Variants in SPTLC3 observed in about 807,000 individuals in gnomAD.
SPTLC3 encodes the protein serine palmitoyltransferase long chain base subunit 3, also known as serine palmitoyltransferase 3.
A neutral mutation model predicts 59.3 loss-of-function variants in SPTLC3; 36 were observed. That is an observed-to-expected ratio of 0.61 (90% confidence interval 0.47 to 0.80). The LOEUF (loss-of-function observed/expected upper bound fraction) is 0.80, where lower values mean the gene tolerates loss of function less well. Ranked by LOEUF, SPTLC3 falls within the 30% of genes least tolerant of loss-of-function variation. The pLI, the probability that SPTLC3 is intolerant of heterozygous loss-of-function variation, is 0.00. For missense variants in SPTLC3, 625 were observed against 685.1 expected, an observed-to-expected ratio of 0.91 and a Z score of 0.98; for synonymous variants, 257 against 240.8, an observed-to-expected ratio of 1.07 and a Z score of -0.62.
intron 6 of SPTLC3, among the ~76,000 whole-genome samples, chr20:13,103,177 A>G (rs536471528): frequency 1.2e-4 from 19 of 152,202 alleles, no homozygotes; most frequent in Non-Finnish European, 1.9e-4. Context: ...TCTCATGGAG[A>G]ACAGACCCCA....
intron 4 of SPTLC3, among the ~76,000 whole-genome samples, chr20:13,087,331 T>A (rs150841727): frequency 1.6e-3 from 237 of 152,332 alleles, no homozygotes; most frequent in Non-Finnish European, 2.2e-3. Context: ...CATCATGAAC[T>A]TCTGCTCATG....
At chr20:13,033,848 C>G (rs979962050) in intron 1 of SPTLC3, among the ~76,000 whole-genome samples, 1 of 152,026 alleles carries the variant, frequency 6.6e-6, no homozygotes, top group Non-Finnish European at 1.5e-5. Context: ...GAACATCCAG[C>G]CTGGTGCTTT....
chr20:13,108,023 T>A (rs1185771913), intron 6 of SPTLC3, among the ~76,000 whole-genome samples: 1 of 152,216 alleles, frequency 6.6e-6, no homozygotes, highest in Non-Finnish European at 1.5e-5. Flanking sequence ...GAGATCTTGC[T>A]AGTATGCAGC....
intron 9 of SPTLC3, 52 bp from the exon 10 acceptor site, chr20:13,153,951 A>T: frequency 6.2e-7 from 1 of 1,602,004 alleles, no homozygotes; most frequent in Non-Finnish European, 8.5e-7. Context: ...CCGGACCTTT[A>T]CTTCCCTCTT....
intron 6 of SPTLC3, among the ~76,000 whole-genome samples, chr20:13,103,970 T>G (rs2122664033): frequency 6.6e-6 from 1 of 152,336 alleles, no homozygotes; most frequent in Non-Finnish European, 1.5e-5. Flanking sequence ...AACTGCATCT[T>G]CAGCTTTTCC....
At chr20:13,080,028 A>G (rs1988784743) in intron 4 of SPTLC3, among the ~76,000 whole-genome samples, 3 of 152,260 alleles carry the variant, frequency 2.0e-5, no homozygotes, top group African/African-American at 7.2e-5. Context: ...AAAGTGAAAC[A>G]TTTAAACTTC....
chr20:13,083,273 G>A (rs147296796), intron 4 of SPTLC3, among the ~76,000 whole-genome samples: 1 of 152,110 alleles, frequency 6.6e-6, no homozygotes, highest in East Asian at 1.9e-4. Context: ...GTAAAGATGT[G>A]TATATTCCTC....
At chr20:13,073,274 C>T (rs1336437687) in intron 3 of SPTLC3, among the ~76,000 whole-genome samples, 1 of 152,230 alleles carries the variant, frequency 6.6e-6, no homozygotes, top group East Asian at 1.9e-4. Flanking sequence ...GCCTTTTTAG[C>T]TCCCACGTTA....
chr20:13,108,736 A>G (rs1990053781), intron 6 of SPTLC3, among the ~76,000 whole-genome samples: 6 of 151,958 alleles, frequency 3.9e-5, no homozygotes, highest in South Asian at 2.1e-4. Flanking sequence ...CACCATACCC[A>G]CTTAATTTTT....
chr20:13,084,194 C>T (rs115687822), intron 4 of SPTLC3, among the ~76,000 whole-genome samples: 2 of 152,250 alleles, frequency 1.3e-5, no homozygotes, highest in African/African-American at 4.8e-5. Flanking sequence ...TCATGAACCT[C>T]TCTACGAACA....
chr20:13,071,013 A>G (rs1369004171), intron 2 of SPTLC3, among the ~76,000 whole-genome samples: 1 of 152,034 alleles, frequency 6.6e-6, no homozygotes, highest in Admixed American at 6.6e-5. Flanking sequence ...GATTCCTCCA[A>G]CAAGGTAGGA....
intron 9 of SPTLC3, among the ~76,000 whole-genome samples, chr20:13,139,060 G>A (rs376345557): frequency 8.5e-5 from 13 of 152,272 alleles, no homozygotes; most frequent in East Asian, 1.9e-4. Context: ...GGAGGGTAGC[G>A]TGATTCTTAA....
intron 4 of SPTLC3, among the ~76,000 whole-genome samples, chr20:13,081,596 C>T (rs1988843839): frequency 6.6e-6 from 1 of 152,102 alleles, no homozygotes; most frequent in Non-Finnish European, 1.5e-5. Context: ...TAAAAAATTG[C>T]TACCAAGTAG....
chr20:13,107,833 T>C (rs1410198987), intron 6 of SPTLC3, among the ~76,000 whole-genome samples: 2 of 151,872 alleles, frequency 1.3e-5, no homozygotes, highest in Non-Finnish European at 2.9e-5. Context: ...ATTGGTAGCA[T>C]ACAGGTAGCA....
At chr20:13,128,067 A>T (rs991849320) in intron 9 of SPTLC3, among the ~76,000 whole-genome samples, 4 of 152,262 alleles carry the variant, frequency 2.6e-5, no homozygotes, top group Admixed American at 6.5e-5. Flanking sequence ...TGAAGTGAGA[A>T]AAACAATATT....
chr20:13,120,434 C>T (rs1362015410), intron 8 of SPTLC3, among the ~76,000 whole-genome samples: 1 of 152,162 alleles, frequency 6.6e-6, no homozygotes, highest in Non-Finnish European at 1.5e-5. Flanking sequence ...TCACTGTTCT[C>T]ATAGGGTTCT....
chr20:13,035,297 T>C (rs2122449217), intron 1 of SPTLC3, among the ~76,000 whole-genome samples: 1 of 152,308 alleles, frequency 6.6e-6, no homozygotes, highest in Middle Eastern at 3.4e-3. Context: ...GTTTTGATGC[T>C]GTCGAAAAAG....
chr20:13,017,220 A>G (rs1985573841), intron 1 of SPTLC3, among the ~76,000 whole-genome samples: 1 of 152,198 alleles, frequency 6.6e-6, no homozygotes, highest in Non-Finnish European at 1.5e-5. Flanking sequence ...CTTATCACAA[A>G]TGACACCAAA....
chr20:13,144,557 C>A (rs1457064267), intron 9 of SPTLC3, among the ~76,000 whole-genome samples: 1 of 152,148 alleles, frequency 6.6e-6, no homozygotes, highest in African/African-American at 2.4e-5. Context: ...ACAAAAATTT[C>A]TTGAGGCTGA....
Sources: gnomAD v4.1 joint callset for allele counts (sites outside exome capture counted in the v4.1 genomes callset) on GRCh38, gnomAD v4.1.1 for gene constraint, MANE v1.5 for transcripts, NCBI Gene and HGNC (gene_info 2026-07-23, HGNC 2026-07-21) for gene names.